Variants in LUZP2 observed in about 807,000 individuals in gnomAD.
LUZP2 encodes the protein leucine zipper protein 2.
LUZP2 carries 52 observed loss-of-function variants against 51.6 expected under a neutral mutation model. The ratio of observed to expected loss-of-function variants is 1.01; its 90% confidence interval spans 0.81 to 1.27. The LOEUF is 1.27. LUZP2 is among the 50% of genes most tolerant of loss of function. LUZP2 has a pLI of 0.00. For missense variants in LUZP2, 436 were observed against 395.4 expected (o/e 1.10, Z -0.87); for synonymous variants, 154 against 137.3 (o/e 1.12, Z -0.85).
intron 9 of LUZP2, among the ~76,000 whole-genome samples, chr11:25,017,537 T>C (rs1414066893): frequency 6.6e-6 from 1 of 152,208 alleles, no homozygotes; most frequent in Non-Finnish European, 1.5e-5. Context: ...CAGTTTGTTT[T>C]CATATGCTTT....
At chr11:24,619,159 G>A (rs1226978820) in intron 1 of LUZP2, among the ~76,000 whole-genome samples, 2 of 151,996 alleles carry the variant, frequency 1.3e-5, no homozygotes, top group Non-Finnish European at 2.9e-5. Context: ...TTCCTGAGTA[G>A]CTGAGACTAC....
intron 9 of LUZP2, among the ~76,000 whole-genome samples, chr11:25,003,748 C>T (rs757235596): frequency 6.6e-6 from 1 of 152,102 alleles, no homozygotes; most frequent in African/African-American, 2.4e-5. Context: ...CTTTCCAACG[C>T]CCAGACTTCA....
chr11:24,859,577 T>G (rs1000210311), intron 5 of LUZP2, among the ~76,000 whole-genome samples: 17 of 143,944 alleles, frequency 1.2e-4, no homozygotes, highest in African/African-American at 4.2e-4. Context: ...ACTAGAAGCA[T>G]GGTGCTCGGA....
chr11:24,999,239 C>T (rs566797104), intron 9 of LUZP2, among the ~76,000 whole-genome samples: 1 of 152,080 alleles, frequency 6.6e-6, no homozygotes, highest in South Asian at 2.1e-4. Context: ...TTCAATTATA[C>T]TTCTAAAAAC....
chr11:24,783,147 A>G (rs1460812819), intron 5 of LUZP2, among the ~76,000 whole-genome samples: 2 of 152,078 alleles, frequency 1.3e-5, no homozygotes, highest in African/African-American at 4.8e-5. Context: ...TATCACAAGC[A>G]CATGTCCATT....
intron 7 of LUZP2, among the ~76,000 whole-genome samples, chr11:24,960,550 A>T (rs1357949509): frequency 6.6e-6 from 1 of 151,978 alleles, no homozygotes; most frequent in Admixed American, 6.6e-5. Flanking sequence ...GTTTGTAGTA[A>T]TCTCTGATAG....
chr11:24,894,264 T>TC, intron 5 of LUZP2, among the ~76,000 whole-genome samples: 2 of 147,692 alleles, frequency 1.4e-5, no homozygotes, highest in South Asian at 4.3e-4. Flanking sequence ...AACCTCCGCC[T>TC]CCCGGGTTCA....
chr11:24,542,236 C>T lies in LUZP2; in HGVS notation c.62+44931C>T, dbSNP rs115972447. Among the ~76,000 whole-genome samples, 66 of 152,090 alleles carry T rather than the reference C, an allele frequency of 4.3e-4. 1 individual carries two copies. Among genetic ancestry groups the T allele is most frequent in the African/African-American group, 1.5e-3 (61 of 41,534 alleles). On this transcript the variant is annotated intron_variant, in intron 1 of 11. Coordinates refer to ENST00000336930, the MANE Select transcript of LUZP2 (RefSeq NM_001009909.4). ...ACTACAGTATTACTATCCTCACCCC[C>T]CCATACACAAACCACGTGTTCTCTT...
At chr11:24,985,116 G>T (rs1856152771) in intron 9 of LUZP2, among the ~76,000 whole-genome samples, 1 of 151,586 alleles carries the variant, frequency 6.6e-6, no homozygotes, top group South Asian at 2.1e-4. Context: ...ATTATTGTTT[G>T]TTTAGTGTTT....
At chr11:25,077,801 C>T (rs1590904819) in intron 11 of LUZP2, among the ~76,000 whole-genome samples, 1 of 152,010 alleles carries the variant, frequency 6.6e-6, no homozygotes, top group Non-Finnish European at 1.5e-5. Flanking sequence ...CGACCAGATC[C>T]ATGGTATTTA....
At chr11:24,913,328 T>C (rs1853695929) in intron 6 of LUZP2, among the ~76,000 whole-genome samples, 3 of 152,180 alleles carry the variant, frequency 2.0e-5, no homozygotes, top group Admixed American at 6.5e-5. Context: ...TTGTCCATGT[T>C]GTTCTATAAT....
At chr11:24,626,163 T>C (rs1364813186) in intron 1 of LUZP2, among the ~76,000 whole-genome samples, 5 of 152,078 alleles carry the variant, frequency 3.3e-5, no homozygotes. Context: ...TGGTGATTCA[T>C]CAACAAATGG....
In LUZP2 at chr11:24,497,213, C is replaced by A. The variant is rs1326475938; in HGVS notation, c.-31C>A. The A allele has an allele frequency of 4.7e-6, 7 of 1,503,488 alleles. No homozygotes were observed. In the South Asian group the frequency reaches 6.4e-5, roughly 14 times the overall value. 93.1% of individuals were successfully genotyped at this position (1,503,488 alleles called of 1,614,324 possible). Reference sequence around the variant, plus strand: ...TCCCGAAGAGAGAGAGAGAAGGCAGCGAGGGAAGGAGGACCCCGGCAGGCA... The same window carrying A: ...TCCCGAAGAGAGAGAGAGAAGGCAGAGAGGGAAGGAGGACCCCGGCAGGCA... On this transcript the variant is annotated 5_prime_UTR_variant, in exon 1 of 12. Transcript: ENST00000336930.
chr11:24,960,264 T>G (rs1434475436), intron 7 of LUZP2, among the ~76,000 whole-genome samples: 1 of 152,242 alleles, frequency 6.6e-6, no homozygotes, highest in African/African-American at 2.4e-5. Context: ...GCTGGCCTCT[T>G]AAAATGAGTT....
chr11:24,940,417 A>G (rs1264237014), intron 7 of LUZP2, among the ~76,000 whole-genome samples: 1 of 152,188 alleles, frequency 6.6e-6, no homozygotes, highest in African/African-American at 2.4e-5. Context: ...TCCTCAACCC[A>G]TATAAAAGGC....
intron 1 of LUZP2, among the ~76,000 whole-genome samples, chr11:24,551,151 C>T (rs1413056080): frequency 4.0e-5 from 6 of 151,834 alleles, no homozygotes; most frequent in African/African-American, 1.5e-4. Flanking sequence ...GAAACTATAA[C>T]ATATGTTAAA....
At chr11:24,896,723 C>T (rs2133769574) in intron 5 of LUZP2, among the ~76,000 whole-genome samples, 1 of 152,326 alleles carries the variant, frequency 6.6e-6, no homozygotes, top group South Asian at 2.1e-4. Flanking sequence ...ACCGGTGGCC[C>T]CGGCACGGGA....
intron 5 of LUZP2, among the ~76,000 whole-genome samples, chr11:24,797,904 C>T (rs1849589675): frequency 6.6e-6 from 1 of 152,132 alleles, no homozygotes; most frequent in Non-Finnish European, 1.5e-5. Context: ...GTTTTCAAGA[C>T]ATTTAAAAAC....
Position 25,071,904 on chromosome 11 carries a change from G to A in LUZP2, c.859-5425G>A, listed in dbSNP as rs528431144. Among the ~76,000 whole-genome samples the A allele has an allele frequency of 2.0e-4, 30 of 151,614 alleles. No homozygotes were observed. The South Asian group carries it at 2.9e-3, about 15-fold the overall frequency. On this transcript the variant is annotated intron_variant, in intron 10 of 11. Coordinates refer to ENST00000336930, the MANE Select transcript of LUZP2 (RefSeq NM_001009909.4). ...AAAAGCATATAAAGTTAAAGCAATG[G>A]AAAGAAAAAAATGTAACTGGTTTTA...
Sources: gnomAD v4.1 joint callset for allele counts (sites outside exome capture counted in the v4.1 genomes callset) on GRCh38, gnomAD v4.1.1 for gene constraint, MANE v1.5 for transcripts, NCBI Gene and HGNC (gene_info 2026-07-23, HGNC 2026-07-21) for gene names.